The following BRCA1 variants were observed in gnomAD, a reference collection of about 807,000 sequenced individuals.
BRCA1 encodes the protein breast cancer type 1 susceptibility protein.
Under a neutral mutation model 173.7 loss-of-function variants are expected in BRCA1, and 140 were observed. The observed-to-expected ratio is 0.81, with a 90% CI of 0.70 to 0.93. The LOEUF (loss-of-function observed/expected upper bound fraction) is 0.93, where lower values mean the gene tolerates loss of function less well. Ranked by LOEUF, BRCA1 falls within the 40% of genes least tolerant of loss-of-function variation. The pLI, the probability that BRCA1 is intolerant of heterozygous loss-of-function variation, is 0.00. For synonymous variants in BRCA1, 662 were observed against 756.0 expected, an observed-to-expected ratio of 0.88 and a Z score of 2.04; for missense variants, 1,983 against 2,172.5, an observed-to-expected ratio of 0.91 and a Z score of 1.73.
rs370536578 is a variant in BRCA1 at position 43,063,404 on chromosome 17, T to C, written c.5153-31A>G. 46 of 1,583,340 alleles carry C rather than the reference T, an allele frequency of 2.9e-5. No homozygotes were observed. The highest frequency in any genetic ancestry group is 3.6e-5 in the Non-Finnish European group (42 of 1,153,004). ...GAGATCATAGAAAAGACAGGTTACA[T>C]ACAGCAGAAGAACGTGCTCTTTTCA... On this transcript the variant is annotated intron_variant, in intron 17 of 22. Transcript: ENST00000357654.
intron 6 of BRCA1, among the ~76,000 whole-genome samples, chr17:43,102,284 G>T (rs1309601794): frequency 2.0e-5 from 3 of 150,606 alleles, no homozygotes; most frequent in African/African-American, 7.4e-5. Context: ...TGTGAGCCAG[G>T]ATAGTCTTGA....
rs80358180 is a variant in BRCA1, at chr17:43,082,387, T to C, written c.4357+17A>G. On this transcript the variant is annotated intron_variant, in intron 12 of 22. Coordinates refer to ENST00000357654, the MANE Select transcript of BRCA1 (RefSeq NM_007294.4). ...GAATTTTGCTTAAGATATCAGTGTT[T>C]GGCCAACAATACACACCTTTTTCTG... 94 of 1,611,840 alleles carry C rather than the reference T, an allele frequency of 5.8e-5. 3 individuals are homozygous for C. Among genetic ancestry groups the C allele is most frequent in the East Asian group, 4.7e-4 (21 of 44,830 alleles).
At chr17:43,096,664 ACAG>A (rs1243785477) in intron 8 of BRCA1, among the ~76,000 whole-genome samples, 1 of 152,100 alleles carries the variant, frequency 6.6e-6, no homozygotes. Flanking sequence ...TATATAACAT[ACAG>A]ACAAAGCTTG....
At chr17:43,073,483 T>G (rs986393334) in intron 14 of BRCA1, among the ~76,000 whole-genome samples, 1 of 152,112 alleles carries the variant, frequency 6.6e-6, no homozygotes, top group Non-Finnish European at 1.5e-5. Flanking sequence ...AATACCACAT[T>G]TGATGCCAAA....
Position 43,093,361 on chromosome 17 carries a change from G to T in BRCA1, c.2170C>A (p.Pro724Thr), listed in dbSNP as rs2154395681. The T allele has an allele frequency of 6.2e-7, 1 of 1,613,930 alleles. No homozygotes were observed. The highest frequency in any genetic ancestry group is 8.5e-7 in the Non-Finnish European group (1 of 1,179,960). ...NTSELKEFVN[P>T]SLPREEKEEK... is the part of the protein sequence containing the mutation. ...TCTTTTTCTTCTCTTGGAAGGCTAG[G>T]ATTGACAAATTCTTTAAGTTCACTG... Residue 724 changes from proline (P) to threonine (T), a missense_variant, in exon 10 of 23, where the codon CCT becomes ACT. Physicochemically the swap from Pro to Thr is conservative, Grantham distance 38 (BLOSUM62 -1). Transcript: ENST00000357654.
chr17:43,148,735 T>C (rs1006233561), intron 1 of BRCA1: 4 of 163,690 alleles, frequency 2.4e-5, no homozygotes, highest in African/African-American at 4.8e-5. Flanking sequence ...GGGCCTGACA[T>C]TGAGGATTCT....
intron 1 of BRCA1, chr17:43,148,876 A>T (rs977137881): frequency 6.0e-6 from 1 of 167,556 alleles, no homozygotes; most frequent in Non-Finnish European, 1.5e-5. Context: ...TATAAGTCTC[A>T]TCTACCTAAT....
chr17:43,045,922 ATTTTTTT>A (rs375078966), intron 22 of BRCA1, 120 bp from the exon 23 acceptor site: 1 of 952,662 alleles, frequency 1.0e-6, no homozygotes, highest in Non-Finnish European at 1.5e-6. Flanking sequence ...GTAGAAGCTA[ATTTTTTT>A]TTTTTTTTTT....
chr17:43,135,525 C>G (rs2056012427), intron 1 of BRCA1, among the ~76,000 whole-genome samples: 1 of 152,180 alleles, frequency 6.6e-6, no homozygotes, highest in African/African-American at 2.4e-5. Flanking sequence ...GTGGAGAAGT[C>G]CAGGCCTAGT....
intron 11 of BRCA1, among the ~76,000 whole-genome samples, chr17:43,083,831 A>G (rs2053122857): frequency 1.3e-5 from 2 of 152,116 alleles, no homozygotes; most frequent in African/African-American, 4.8e-5. Context: ...GTATGTAAGG[A>G]GTTTTCCAAA....
chr17:43,071,420 T>C (rs560516490), intron 14 of BRCA1, among the ~76,000 whole-genome samples, 182 bp from the exon 15 acceptor site: 1 of 152,230 alleles, frequency 6.6e-6, no homozygotes, highest in African/African-American at 2.4e-5. Flanking sequence ...TGGCATTATG[T>C]AGCAAACACC....
At chr17:43,102,417 C>A (rs1177643544) in intron 6 of BRCA1, among the ~76,000 whole-genome samples, 1 of 130,594 alleles carries the variant, frequency 7.7e-6, no homozygotes, top group Admixed American at 8.7e-5. Flanking sequence ...AGTGCAGTGG[C>A]GCAATCTCGG....
At chr17:43,105,425 G>A (rs991981979) in intron 4 of BRCA1, among the ~76,000 whole-genome samples, 1 of 152,024 alleles carries the variant, frequency 6.6e-6, no homozygotes, top group African/African-American at 2.4e-5. Flanking sequence ...TTTGTTGGTA[G>A]TGATGGGGTC....
chr17:43,136,832 G>A (rs1459388315), intron 1 of BRCA1, among the ~76,000 whole-genome samples: 1 of 152,176 alleles, frequency 6.6e-6, no homozygotes, highest in African/African-American at 2.4e-5. Context: ...CGCCATTGGT[G>A]GGACTGTAAA....
chr17:43,091,823 A>C lies in BRCA1; in HGVS notation c.3708T>G (p.Asn1236Lys), dbSNP rs28897687. 4.0e-4 allele frequency: 641 copies of C among 1,614,166 alleles called. No individual in the cohort carries two copies. The highest frequency in any genetic ancestry group is 5.3e-4 in the Admixed American group (32 of 60,020). The change falls in exon 10 of 23, where the codon AAT becomes AAG. Residue 1236 changes from asparagine to lysine, a missense_variant. Coordinates refer to ENST00000357654, the MANE Select transcript of BRCA1 (RefSeq NM_007294.4). ...TATGCCTAGTAGACTGAGAAGGTAT[A>C]TTGTTTACTTTACCAAATAACAAGT... ...FQHLLFGKVNNIPSQSTRHST... is the reference protein window; with the variant it reads ...FQHLLFGKVNKIPSQSTRHST...
At chr17:43,122,739 T>C (rs1344952439) in intron 2 of BRCA1, among the ~76,000 whole-genome samples, 1 of 151,884 alleles carries the variant, frequency 6.6e-6, no homozygotes, top group African/African-American at 2.4e-5. Flanking sequence ...CAAAACCCTA[T>C]CTCTACAACA....
chr17:43,136,067 A>C (rs1410280775), intron 1 of BRCA1, among the ~76,000 whole-genome samples: 1 of 152,212 alleles, frequency 6.6e-6, no homozygotes, highest in Non-Finnish European at 1.5e-5. Flanking sequence ...CCAAGGCGGG[A>C]GGGTCACTTG....
chr17:43,137,733 C>T (rs1414706460), intron 1 of BRCA1, among the ~76,000 whole-genome samples: 3 of 152,122 alleles, frequency 2.0e-5, no homozygotes, highest in South Asian at 2.1e-4. Flanking sequence ...AAAAATTAGC[C>T]GGGCATGGTG....
intron 1 of BRCA1, chr17:43,161,291 T>G (rs1178751654): frequency 6.6e-6 from 1 of 152,170 alleles, no homozygotes; most frequent in Non-Finnish European, 1.5e-5. Flanking sequence ...TAAATGGGGA[T>G]CCGGTATCCC....
Sources: allele counts gnomAD v4.1 joint callset (sites outside exome capture counted in the v4.1 genomes callset), GRCh38; gene constraint gnomAD v4.1.1; transcripts MANE v1.5; gene names NCBI Gene and HGNC (gene_info 2026-07-23, HGNC 2026-07-21).